Variants in ALOX5AP observed in about 807,000 individuals in gnomAD.
ALOX5AP encodes arachidonate 5-lipoxygenase activating protein.
In ALOX5AP, 9 loss-of-function variants were observed where a neutral mutation model predicts 18.5. That is an observed-to-expected ratio of 0.49 (90% CI 0.29 to 0.85). The LOEUF (loss-of-function observed/expected upper bound fraction) is 0.85. Among genes scored for constraint, ALOX5AP ranks in the 40% least tolerant of loss-of-function variants. ALOX5AP has a pLI of 0.08. For missense variants in ALOX5AP, 172 were observed against 202.5 expected, an observed-to-expected ratio of 0.85 and a Z score of 0.91; for synonymous variants, 81 against 78.6, an observed-to-expected ratio of 1.03 and a Z score of -0.16.
chr13:30,726,437 C>T (rs1261314998), intron 1 of ALOX5AP, among the ~76,000 whole-genome samples: 2 of 152,174 alleles, frequency 1.3e-5, no homozygotes, highest in African/African-American at 4.8e-5. Context: ...AACTTGGACT[C>T]ACTGAGGAGG....
chr13:30,725,153 C>T (rs1166769737), intron 1 of ALOX5AP, among the ~76,000 whole-genome samples: 1 of 111,852 alleles, frequency 8.9e-6, no homozygotes, highest in African/African-American at 3.4e-5. Context: ...CCGTGAGTTA[C>T]AGATCTACAC....
rs1324430208 is a variant in ALOX5AP, at chr13:30,764,385, G to C, written c.*279G>C. 3.0e-6 allele frequency: 1 copy of C among 338,814 alleles called. No individual in the cohort carries two copies. Among genetic ancestry groups the C allele is most frequent in the African/African-American group, 2.1e-5 (1 of 46,980 alleles). 21.0% of individuals were successfully genotyped at this position (338,814 alleles called of 1,614,324 possible). A position where few individuals can be genotyped will look rare whatever the true frequency, so the allele number is the denominator to read the frequency against. ...CTGAAGATGTTTTGTGACCAGGTTT[G>C]TGTTTTCTTAAAATAAAATGCAGAG... On this transcript the variant is annotated 3_prime_UTR_variant, in exon 5 of 5. Transcript: ENST00000380490.
chr13:30,744,433 A>G (rs1437479585), intron 2 of ALOX5AP: 2 of 334,346 alleles, frequency 6.0e-6, no homozygotes, highest in African/African-American at 4.2e-5. Context: ...TGAAAGAGTC[A>G]TTTGGTTAGA....
chr13:30,715,636 C>T (rs762325181), intron 1 of ALOX5AP, among the ~76,000 whole-genome samples: 16 of 152,216 alleles, frequency 1.1e-4, no homozygotes, highest in Admixed American at 2.6e-4. Context: ...CTGCCTTTTC[C>T]ATGACTCCTC....
intron 1 of ALOX5AP, among the ~76,000 whole-genome samples, chr13:30,718,311 T>C (rs544187378): frequency 4.0e-5 from 6 of 151,210 alleles, no homozygotes; most frequent in Non-Finnish European, 7.4e-5. Context: ...CTCAACATTA[T>C]AACAAGACTG....
chr13:30,756,813 CAAAAAAAAAAAAAA>C lies in ALOX5AP; in HGVS notation c.323+802_323+815del, dbSNP rs60551684. Among the ~76,000 whole-genome samples, 336 of 59,294 alleles carry C rather than the reference CAAAAAAAAAAAAAA, an allele frequency of 5.7e-3. 1 individual carries two copies. Among genetic ancestry groups the C allele is most frequent in the Non-Finnish European group, 7.0e-3 (247 of 35,356 alleles). 38.9% of individuals were successfully genotyped at this position (59,294 alleles called of 152,430 possible). ...GGGCAACAAAAGCAAAACTCCATCT[CAAAAAAAAAAAAAA>C]AAAAAAAAAAAAAGATGCAGACACG... On this transcript the variant is annotated intron_variant, in intron 4 of 4. Coordinates refer to ENST00000380490, the MANE Select transcript of ALOX5AP (RefSeq NM_001629.4).
chr13:30,752,277 G>A (rs142118435), intron 3 of ALOX5AP, among the ~76,000 whole-genome samples, 155 bp downstream of exon 3: 2 of 152,292 alleles, frequency 1.3e-5, no homozygotes, highest in Non-Finnish European at 2.9e-5. Context: ...CCGTGTTTCA[G>A]GCATGCTCTG....
At chr13:30,762,123 A>T (rs1295110430) in intron 4 of ALOX5AP, among the ~76,000 whole-genome samples, 1 of 152,168 alleles carries the variant, frequency 6.6e-6, no homozygotes, top group African/African-American at 2.4e-5. Context: ...TCCCACAGGG[A>T]GCTTGTTAAA....
Position 30,756,196 on chromosome 13 carries a change from G to C in ALOX5AP, c.323+171G>C, listed in dbSNP as rs536667172. ...ATTCTTCTTTCCCTGAGCTTTGAAG[G>C]CTCTGAAAATACAGCTGGGGGGACT... On this transcript the variant is annotated intron_variant, in intron 4 of 4. Coordinates refer to ENST00000380490, the MANE Select transcript of ALOX5AP (RefSeq NM_001629.4). Among the ~76,000 whole-genome samples the C allele has an allele frequency of 2.6e-5, 4 of 152,174 alleles. No individual in the cohort carries two copies. The South Asian group carries it at 6.2e-4, about 24-fold the overall frequency.
At chr13:30,727,485 T>C (rs1951648285) in intron 1 of ALOX5AP, among the ~76,000 whole-genome samples, 1 of 152,210 alleles carries the variant, frequency 6.6e-6, no homozygotes, top group Non-Finnish European at 1.5e-5. Flanking sequence ...TCACTTTTCC[T>C]ATGTACCTCT....
intron 4 of ALOX5AP, among the ~76,000 whole-genome samples, chr13:30,759,501 A>G (rs1223921918): frequency 2.0e-5 from 3 of 152,198 alleles, no homozygotes; most frequent in African/African-American, 7.2e-5. Flanking sequence ...AGTAACAGTG[A>G]ACATGACGGA....
Position 30,755,542 on chromosome 13 carries a change from T to C in ALOX5AP, c.242-402T>C, listed in dbSNP as rs138520267. On this transcript the variant is annotated intron_variant, in intron 3 of 4. Coordinates refer to ENST00000380490, the MANE Select transcript of ALOX5AP (RefSeq NM_001629.4). ...AACCAGGAGTGTCCAGTCTTTTGGG[T>C]TCCCTGAGCCACACTGGAAGAAGAG... 7.9e-4 allele frequency among the ~76,000 whole-genome samples: 121 copies of C among 152,292 alleles called. 1 individual carries two copies. The East Asian group carries it at 0.014, about 18-fold the overall frequency.
exon 1 of ALOX5AP, chr13:30,713,509 G>A: frequency 1.8e-6 from 1 of 544,364 alleles, no homozygotes; most frequent in South Asian, 2.3e-5. Context: ...AGGTGAAGGG[G>A]TCACAGCTCT....
At chr13:30,746,861 G>A (rs1379994231) in intron 2 of ALOX5AP, among the ~76,000 whole-genome samples, 1 of 152,124 alleles carries the variant, frequency 6.6e-6, no homozygotes, top group South Asian at 2.1e-4. Flanking sequence ...TGGTTCATGG[G>A]GTGTGGGATC....
At chr13:30,719,755 G>A (rs901611368) in intron 1 of ALOX5AP, among the ~76,000 whole-genome samples, 5 of 152,168 alleles carry the variant, frequency 3.3e-5, no homozygotes, top group East Asian at 3.8e-4. Flanking sequence ...AGGATATTCC[G>A]CTGAAAAACT....
intron 4 of ALOX5AP, among the ~76,000 whole-genome samples, chr13:30,762,385 T>C (rs1040527257): frequency 6.6e-6 from 1 of 152,100 alleles, no homozygotes; most frequent in African/African-American, 2.4e-5. Flanking sequence ...GGTCAGGAGT[T>C]CGAGACCAGC....
intron 1 of ALOX5AP, among the ~76,000 whole-genome samples, chr13:30,714,510 T>C (rs1951534215): frequency 6.7e-6 from 1 of 149,144 alleles, no homozygotes; most frequent in African/African-American, 2.5e-5. Flanking sequence ...CATTCTTTCC[T>C]GTTCTCCCTG....
intron 4 of ALOX5AP, among the ~76,000 whole-genome samples, chr13:30,759,520 C>A (rs921276044): frequency 6.6e-6 from 1 of 152,150 alleles, no homozygotes; most frequent in Non-Finnish European, 1.5e-5. Context: ...GAGTCTTTGT[C>A]CCCAAGGAGA....
At chr13:30,732,102 T>G (rs1951686208), upstream of ALOX5AP, among the ~76,000 whole-genome samples, 1 of 152,238 alleles carries the variant, frequency 6.6e-6, no homozygotes, top group Admixed American at 6.5e-5. Flanking sequence ...GTGGACTCCC[T>G]CCATCCCCGG....
Sources: gnomAD v4.1 joint callset for allele counts (sites outside exome capture counted in the v4.1 genomes callset) on GRCh38, gnomAD v4.1.1 for gene constraint, MANE v1.5 for transcripts, NCBI Gene and HGNC (gene_info 2026-07-23, HGNC 2026-07-21) for gene names.